The following VRK2 variants were observed in gnomAD, a reference collection of about 807,000 sequenced individuals.
The protein encoded by VRK2 is VRK serine/threonine kinase 2, also known as serine/threonine-protein kinase VRK2.
Under a neutral mutation model 57.6 loss-of-function variants are expected in VRK2, and 60 were observed. The ratio of observed to expected loss-of-function variants is 1.04; its 90% CI spans 0.85 to 1.29. VRK2 has a LOEUF of 1.29. Ranked by LOEUF, VRK2 falls within the 50% of genes most tolerant of loss-of-function variation. The pLI, the probability that VRK2 is intolerant of heterozygous loss-of-function variation, is 0.00. For missense variants in VRK2, 705 were observed against 588.1 expected, an observed-to-expected ratio of 1.20 and a Z score of -2.06; for synonymous variants, 231 against 199.2, an observed-to-expected ratio of 1.16 and a Z score of -1.35.
intron 1 of VRK2, among the ~76,000 whole-genome samples, chr2:57,946,839 A>G (rs72808467): frequency 6.6e-6 from 1 of 152,132 alleles, no homozygotes; most frequent in Non-Finnish European, 1.5e-5. Context: ...GTGTGACAGA[A>G]GTGAGGATGC....
chr2:58,124,900 G>T (rs1678078771), intron 8 of VRK2, among the ~76,000 whole-genome samples: 1 of 151,922 alleles, frequency 6.6e-6, no homozygotes, highest in Admixed American at 6.6e-5. Flanking sequence ...TTGTAGTGTT[G>T]TGTGATTTTT....
At chr2:58,000,942 C>G (rs1049190440) in intron 1 of VRK2, among the ~76,000 whole-genome samples, 2 of 152,136 alleles carry the variant, frequency 1.3e-5, no homozygotes, top group African/African-American at 4.8e-5. Flanking sequence ...GCTAGAATAA[C>G]ATAAATATGC....
chr2:57,912,796 G>A (rs577090718), intron 1 of VRK2, among the ~76,000 whole-genome samples: 2 of 152,172 alleles, frequency 1.3e-5, no homozygotes, highest in Non-Finnish European at 2.9e-5. Context: ...CTTATGGGCT[G>A]TTATGGACTA....
At chr2:57,959,376 C>CT (rs1572906348) in intron 1 of VRK2, among the ~76,000 whole-genome samples, 1 of 152,222 alleles carries the variant, frequency 6.6e-6, no homozygotes, top group East Asian at 1.9e-4. Flanking sequence ...AGAACAAAGC[C>CT]TTTTTTTCTC....
At chr2:57,976,565 T>C (rs995795986) in intron 1 of VRK2, among the ~76,000 whole-genome samples, 1 of 152,108 alleles carries the variant, frequency 6.6e-6, no homozygotes, top group Non-Finnish European at 1.5e-5. Context: ...GGTTGTTTGT[T>C]TTTTGCTTAT....
Position 58,040,918 on chromosome 2 carries a change from C to T in VRK2, c.-6+7365C>T, listed in dbSNP as rs1297342011. On this transcript the variant is annotated intron_variant, in intron 3 of 15. Transcript: ENST00000417641. ...AAGGTAAGCCTAAAAACATGACTTA[C>T]ATGACACACAGGAAAACTATTTCTT... 5 of 592,690 alleles carry T rather than the reference C, an allele frequency of 8.4e-6. No homozygotes were observed. In the South Asian group the frequency reaches 2.2e-4, roughly 27 times the overall value. 36.7% of individuals were successfully genotyped at this position (592,690 alleles called of 1,614,324 possible). A position where few individuals can be genotyped will look rare whatever the true frequency, so the allele number is the denominator to read the frequency against.
intron 1 of VRK2, among the ~76,000 whole-genome samples, chr2:57,944,973 G>A (rs904720889): frequency 4.6e-5 from 7 of 152,142 alleles, no homozygotes; most frequent in Middle Eastern, 6.8e-3. Context: ...ATTAGACTCC[G>A]TTGTTACAGC....
intron 1 of VRK2, among the ~76,000 whole-genome samples, chr2:57,973,458 C>T (rs952564264): frequency 6.6e-6 from 1 of 151,690 alleles, no homozygotes; most frequent in Non-Finnish European, 1.5e-5. Context: ...AAGCATTTGC[C>T]AACATGTCAT....
At chr2:58,116,377 T>C (rs1573199940) in intron 7 of VRK2, among the ~76,000 whole-genome samples, 1 of 150,588 alleles carries the variant, frequency 6.6e-6, no homozygotes, top group Non-Finnish European at 1.5e-5. Context: ...GATAATTTGG[T>C]TAAAATATCT....
chr2:58,086,804 A>T (rs1407111550), intron 5 of VRK2, among the ~76,000 whole-genome samples: 2 of 152,172 alleles, frequency 1.3e-5, no homozygotes, highest in Non-Finnish European at 2.9e-5. Flanking sequence ...AAGCTACCTG[A>T]GTGTTATGAA....
chr2:58,121,169 G>C (rs781614124), intron 7 of VRK2, among the ~76,000 whole-genome samples: 1 of 152,184 alleles, frequency 6.6e-6, no homozygotes, highest in Non-Finnish European at 1.5e-5. Flanking sequence ...GGGACTTACA[G>C]CATCAGCGGA....
chr2:57,961,760 G>C (rs565279801), intron 1 of VRK2, among the ~76,000 whole-genome samples: 1 of 152,228 alleles, frequency 6.6e-6, no homozygotes, highest in East Asian at 1.9e-4. Flanking sequence ...TGTACATAGA[G>C]AGCACTGATA....
intron 1 of VRK2, among the ~76,000 whole-genome samples, chr2:58,000,905 C>T (rs898064174): frequency 1.3e-5 from 2 of 152,136 alleles, no homozygotes; most frequent in African/African-American, 2.4e-5. Context: ...TGACTCTGTA[C>T]AAGAAAATGC....
At chr2:58,116,558 T>C (rs927589791) in intron 7 of VRK2, among the ~76,000 whole-genome samples, 3 of 151,958 alleles carry the variant, frequency 2.0e-5, no homozygotes, top group African/African-American at 7.3e-5. Context: ...AAGAAGGTAA[T>C]GTGGAGTGGG....
At chr2:58,075,506 G>A (rs1669975325) in intron 2 of VRK2, among the ~76,000 whole-genome samples, 1 of 152,150 alleles carries the variant, frequency 6.6e-6, no homozygotes, top group Admixed American at 6.6e-5. Flanking sequence ...CCCACCAGCA[G>A]TGTATAAATG....
At chr2:58,089,092 A>T (rs527976209) in intron 6 of VRK2, among the ~76,000 whole-genome samples, 1 of 152,328 alleles carries the variant, frequency 6.6e-6, no homozygotes, top group South Asian at 2.1e-4. Flanking sequence ...GAAGCCAGCA[A>T]ATGTTTATTG....
chr2:57,916,451 A>C (rs1248341067), intron 1 of VRK2, among the ~76,000 whole-genome samples: 1 of 151,748 alleles, frequency 6.6e-6, no homozygotes, highest in Non-Finnish European at 1.5e-5. Flanking sequence ...ACCATAGTCA[A>C]CTATGGTTCA....
intron 7 of VRK2, among the ~76,000 whole-genome samples, chr2:58,116,336 C>T (rs181110786): frequency 0.022 from 3,250 of 149,272 alleles, 249 homozygotes; most frequent in African/African-American, 0.08. Context: ...CAATGAGATG[C>T]GGCTATAGTC....
chr2:58,057,041 C>T (rs1676627309), intron 2 of VRK2, among the ~76,000 whole-genome samples: 2 of 152,078 alleles, frequency 1.3e-5, no homozygotes, highest in South Asian at 4.1e-4. Context: ...TTCAGACGGT[C>T]ACTATTTTGT....
Sources: gnomAD v4.1 joint callset for allele counts (sites outside exome capture counted in the v4.1 genomes callset) on GRCh38, gnomAD v4.1.1 for gene constraint, MANE v1.5 for transcripts, NCBI Gene and HGNC (gene_info 2026-07-23, HGNC 2026-07-21) for gene names.